The following GCNT1 variants were observed in gnomAD, a reference collection of about 807,000 sequenced individuals.
GCNT1 encodes the protein beta-1,3-galactosyl-O-glycosyl-glycoprotein beta-1,6-N-acetylglucosaminyltransferase.
A neutral mutation model predicts 26.2 loss-of-function variants in GCNT1; 16 were observed. The ratio of observed to expected loss-of-function variants is 0.61; its 90% CI spans 0.41 to 0.93. The LOEUF (loss-of-function observed/expected upper bound fraction) is 0.93, where lower values mean the gene tolerates loss of function less well. GCNT1 is among the 40% of genes least tolerant of loss of function. The pLI, the probability that GCNT1 is intolerant of heterozygous loss-of-function variation, is 0.00. For missense variants in GCNT1, 477 were observed against 526.7 expected (o/e 0.91, Z 0.92); for synonymous variants, 183 against 190.8 (o/e 0.96, Z 0.34).
chr9:76,425,137 TAA>T (rs1194003045), intron 1 of GCNT1, among the ~76,000 whole-genome samples: 107 of 73,044 alleles, frequency 1.5e-3, no homozygotes, highest in East Asian at 0.014. Context: ...AAACTCCGTC[TAA>T]AAAAAAAAAA....
chr9:76,444,032 G>A (rs1037330556), intron 1 of GCNT1, among the ~76,000 whole-genome samples: 2 of 152,098 alleles, frequency 1.3e-5, no homozygotes, highest in African/African-American at 4.8e-5. Flanking sequence ...TTGGGTGTGT[G>A]CTTTGTGAGA....
intron 1 of GCNT1, among the ~76,000 whole-genome samples, chr9:76,429,937 A>C (rs902064987): frequency 6.6e-6 from 1 of 151,928 alleles, no homozygotes; most frequent in Non-Finnish European, 1.5e-5. Context: ...GATGGTCTCG[A>C]TCTCCTGACC....
upstream of GCNT1, among the ~76,000 whole-genome samples, chr9:76,415,218 G>A (rs7040138): frequency 0.34 from 51,111 of 151,910 alleles, 9,154 homozygotes; most frequent in Middle Eastern, 0.4. Flanking sequence ...CCACATACCT[G>A]GCTAATTTTT....
chr9:76,482,343 G>A (rs903609243), intron 2 of GCNT1, among the ~76,000 whole-genome samples: 1 of 152,032 alleles, frequency 6.6e-6, no homozygotes, highest in Non-Finnish European at 1.5e-5. Flanking sequence ...AATCAGGGCT[G>A]GGCGTGGTGG....
chr9:76,467,654 C>T (rs976333782), intron 2 of GCNT1, among the ~76,000 whole-genome samples: 6 of 152,052 alleles, frequency 3.9e-5, no homozygotes, highest in Admixed American at 1.3e-4. Context: ...CAGTTAAAGC[C>T]ACTCTTCTGT....
upstream of GCNT1, among the ~76,000 whole-genome samples, chr9:76,416,733 A>G (rs1823136492): frequency 1.3e-5 from 2 of 152,230 alleles, no homozygotes; most frequent in Non-Finnish European, 2.9e-5. Context: ...GAATAAGATG[A>G]AAAAGCTTTT....
chr9:76,502,475 T>A lies in GCNT1; in HGVS notation c.94T>A (p.Leu32Ile), dbSNP rs139432893. ...LVLSLITFSV[L>I]RIHQKPEFVS... ...TTTATCCCTAATCACCTTCTCCGTT[T>A]TAAGGATTCATCAAAAGCCTGAATT... Residue 32 changes from leucine (L) to isoleucine (I), a missense_variant, in exon 4 of 4, where the codon TTA becomes ATA. By Grantham distance (5) the Leu-to-Ile change is conservative. Transcript: ENST00000376730. The A allele has an allele frequency of 1.9e-5, 30 of 1,613,772 alleles. No individual in the cohort carries two copies. In the East Asian group the frequency reaches 6.7e-4, roughly 36 times the overall value.
chr9:76,491,921 C>T (rs1469198179), intron 2 of GCNT1, among the ~76,000 whole-genome samples: 1 of 152,184 alleles, frequency 6.6e-6, no homozygotes, highest in Non-Finnish European at 1.5e-5. Flanking sequence ...ATGCCATTTA[C>T]ATCATGAGTA....
the GCNT1 span, chr9:76,399,720 T>C: frequency 1.6e-6 from 1 of 609,216 alleles, no homozygotes; most frequent in South Asian, 2.0e-5. Context: ...TGAATGCAAA[T>C]GGAATGGATG....
chr9:76,443,945 G>GAAAGGAAGAAAA, intron 1 of GCNT1, among the ~76,000 whole-genome samples: 2 of 74,946 alleles, frequency 2.7e-5, no homozygotes, highest in African/African-American at 4.7e-5. Context: ...AAGGAAGGAA[G>GAAAGGAAGAAAA]GAAGGAAGGA....
chr9:76,502,591 C>T lies in GCNT1; in HGVS notation c.210C>T (p.Ile70=). ...TKVLQGDVNE[I]QKVKLEILTV... The stretch of plus-strand genomic sequence containing the variant: ...TTTTACAGGGTGATGTAAATGAAAT[C>T]CAAAAGGTAAAGCTTGAGATCCTAA... Residue 70 remains isoleucine, a synonymous_variant, in exon 4 of 4, where the codon ATC becomes ATT. Transcript: ENST00000376730. 3.1e-6 allele frequency: 5 copies of T among 1,613,648 alleles called. No individual in the cohort carries two copies. Among genetic ancestry groups the T allele is most frequent in the Non-Finnish European group, 3.4e-6 (4 of 1,179,762 alleles).
In GCNT1 at chr9:76,501,002, G is replaced by C. The variant is rs1825050259; in HGVS notation, c.-203G>C. ...TGACAGCATGTGAAGTGCTCAGAAT[G>C]GGGCAGGATGTCACCTGGAATCAGC... On this transcript the variant is annotated 5_prime_UTR_variant, in exon 3 of 4. An upstream start codon of the reference 5' UTR is lost. Coordinates refer to ENST00000376730, the MANE Select transcript of GCNT1 (RefSeq NM_001490.5). 6.6e-6 allele frequency: 1 copy of C among 152,178 alleles called. No individual in the cohort carries two copies. Among genetic ancestry groups the C allele is most frequent in the Non-Finnish European group, 1.5e-5 (1 of 68,028 alleles). 9.4% of individuals were successfully genotyped at this position (152,178 alleles called of 1,614,324 possible).
At chr9:76,466,475 C>A (rs60180668) in intron 2 of GCNT1, among the ~76,000 whole-genome samples, 2 of 152,102 alleles carry the variant, frequency 1.3e-5, no homozygotes, top group Admixed American at 6.6e-5. Context: ...TTTTTGTATT[C>A]TTTTTCTAGA....
chr9:76,444,517 G>A (rs1823543751), intron 1 of GCNT1, among the ~76,000 whole-genome samples: 1 of 152,166 alleles, frequency 6.6e-6, no homozygotes, highest in Admixed American at 6.5e-5. Context: ...AAGGAGTGAC[G>A]ATTTGTCTGA....
At chr9:76,482,729 C>T (rs1824454756) in intron 2 of GCNT1, among the ~76,000 whole-genome samples, 2 of 151,650 alleles carry the variant, frequency 1.3e-5, no homozygotes, top group Non-Finnish European at 1.5e-5. Context: ...ATTGCAGCCT[C>T]AATCTCCTGG....
chr9:76,503,227 C>CT lies in GCNT1; in HGVS notation c.850dup (p.Ser284PhefsTer10). The stretch of plus-strand genomic sequence containing the variant: ...TGCTTCCTCCACTCGAAACACCTCT[C>CT]TTTTCTGGCAGTGCCTACTTCGTGG... On this transcript the variant is annotated frameshift_variant, in exon 4 of 4. Coordinates refer to ENST00000376730, the MANE Select transcript of GCNT1 (RefSeq NM_001490.5). LOFTEE classifies it high-confidence loss of function. 1 of 1,614,176 alleles carries CT rather than the reference C, an allele frequency of 6.2e-7. No homozygotes were observed. Among genetic ancestry groups the CT allele is most frequent in the Non-Finnish European group, 8.5e-7 (1 of 1,180,034 alleles).
chr9:76,472,744 CTTTTCTTT>C (rs200218071), intron 2 of GCNT1, among the ~76,000 whole-genome samples: 31,980 of 119,516 alleles, frequency 0.27, 3,565 homozygotes, highest in African/African-American at 0.37. Flanking sequence ...CTTTTCTTTT[CTTTTCTTT>C]TTTTTTTTTT....
At chr9:76,428,803 C>T (rs531166248) in intron 1 of GCNT1, among the ~76,000 whole-genome samples, 8 of 150,102 alleles carry the variant, frequency 5.3e-5, no homozygotes, top group Non-Finnish European at 1.0e-4. Flanking sequence ...TGGGTTCAAG[C>T]GATTCTCCTG....
intron 1 of GCNT1, among the ~76,000 whole-genome samples, chr9:76,433,584 A>T (rs1392632348): frequency 2.0e-5 from 3 of 150,900 alleles, no homozygotes; most frequent in African/African-American, 7.3e-5. Flanking sequence ...TTGCCCACAC[A>T]CCCCCTCCTG....
Sources: gnomAD v4.1 joint callset for allele counts (sites outside exome capture counted in the v4.1 genomes callset) on GRCh38, gnomAD v4.1.1 for gene constraint, MANE v1.5 for transcripts, NCBI Gene and HGNC (gene_info 2026-07-23, HGNC 2026-07-21) for gene names.